The following CLPB variants were observed in gnomAD, a reference collection of about 807,000 sequenced individuals.
CLPB encodes the protein ClpB family mitochondrial disaggregase.
Under a neutral mutation model 78.4 loss-of-function variants are expected in CLPB, and 40 were observed. The observed-to-expected ratio is 0.51, with a 90% CI of 0.40 to 0.66. The LOEUF (loss-of-function observed/expected upper bound fraction) is 0.66. CLPB is among the 30% of genes least tolerant of loss of function. The pLI is 0.00. For synonymous variants in CLPB, 333 were observed against 348.0 expected (o/e 0.96, Z 0.48); for missense variants, 780 against 886.9 (o/e 0.88, Z 1.53).
chr11:72,384,399 G>A (rs944895653), intron 3 of CLPB, among the ~76,000 whole-genome samples: 1 of 150,662 alleles, frequency 6.6e-6, no homozygotes, highest in Admixed American at 6.6e-5. Flanking sequence ...TGGAATAAAA[G>A]TGTAAAGAAA....
At chr11:72,368,878 T>C (rs918627217) in intron 4 of CLPB, among the ~76,000 whole-genome samples, 3 of 152,212 alleles carry the variant, frequency 2.0e-5, no homozygotes, top group South Asian at 2.1e-4. Context: ...TTTCTGCCCA[T>C]GGACTGGAAG....
At chr11:72,354,349 T>C (rs909682508) in intron 5 of CLPB, 1 of 398,348 alleles carries the variant, frequency 2.5e-6, no homozygotes, top group East Asian at 3.6e-5. Flanking sequence ...CTGTGTACGA[T>C]GGATGCCTTG....
At chr11:72,329,180 G>A (rs1950179233) in intron 6 of CLPB, among the ~76,000 whole-genome samples, 1 of 152,138 alleles carries the variant, frequency 6.6e-6, no homozygotes, top group Admixed American at 6.5e-5. Flanking sequence ...AAGTTTGGTT[G>A]GGAAAACAGA....
In CLPB at chr11:72,294,345, G is replaced by T. The variant is rs749270611; in HGVS notation, c.1660C>A (p.Leu554Ile). The T allele has an allele frequency of 6.2e-7, 1 of 1,614,220 alleles. No homozygotes were observed. ...CTTACTCTCTTGGCCCAGAAGTTTA[G>T]TTCCTTGTTGACGAGTTGGATGAGC... ...SELIQLVNKELNFWAKRAKQR... is the reference protein window; with the variant it reads ...SELIQLVNKEINFWAKRAKQR... The change falls in exon 14 of 16, where the codon CTA becomes ATA. Residue 554 changes from leucine (L) to isoleucine (I), a missense_variant. Leu to Ile is a conservative substitution (Grantham distance 5, BLOSUM62 2). Around this residue, in one of 3 missense-constraint regions of CLPB, gnomAD observed 272 missense variants for 304.0 expected, o/e 0.89. Coordinates refer to ENST00000538039, the MANE Select transcript of CLPB (RefSeq NM_001258392.3).
intron 3 of CLPB, among the ~76,000 whole-genome samples, chr11:72,383,054 A>T (rs1854964064): frequency 6.6e-6 from 1 of 151,618 alleles, no homozygotes; most frequent in South Asian, 2.1e-4. Flanking sequence ...GGAGCTGAAA[A>T]ATACAATGAA....
At chr11:72,423,594 C>G (rs1856273801) in intron 2 of CLPB, among the ~76,000 whole-genome samples, 1 of 152,234 alleles carries the variant, frequency 6.6e-6, no homozygotes, top group African/African-American at 2.4e-5. Context: ...CAACACAGAT[C>G]TCTACCAATC....
rs896795524 is a variant in CLPB, at chr11:72,291,747, A to G, written c.*1620T>C. ...AAATTATTTCAAAACAAAAAGTAAA[A>G]AACAATGAAAAGCAGGCCGGGTCCA... On this transcript the variant is annotated 3_prime_UTR_variant, in exon 16 of 16. Coordinates refer to ENST00000538039, the MANE Select transcript of CLPB (RefSeq NM_001258392.3). The G allele has an allele frequency of 3.3e-5, 5 of 152,018 alleles. No homozygotes were observed. The highest frequency in any genetic ancestry group is 7.2e-5 in the African/African-American group (3 of 41,406). 9.4% of individuals were successfully genotyped at this position (152,018 alleles called of 1,614,324 possible).
intron 3 of CLPB, among the ~76,000 whole-genome samples, chr11:72,383,306 T>C (rs1028648670): frequency 4.0e-5 from 6 of 151,672 alleles, no homozygotes; most frequent in Non-Finnish European, 7.4e-5. Context: ...GGGCGGATCA[T>C]GAGGTCAGGA....
chr11:72,425,151 T>C (rs146391475), intron 2 of CLPB, among the ~76,000 whole-genome samples: 46 of 152,328 alleles, frequency 3.0e-4, no homozygotes, highest in African/African-American at 1.1e-3. Flanking sequence ...GGAGCATATA[T>C]TTATGGCAAC....
chr11:72,396,868 T>A (rs1028971176), intron 3 of CLPB, among the ~76,000 whole-genome samples: 1 of 152,214 alleles, frequency 6.6e-6, no homozygotes, highest in African/African-American at 2.4e-5. Context: ...CAATTAATAA[T>A]GAAAATTAGA....
chr11:72,311,397 C>T (rs1444182348), intron 7 of CLPB, among the ~76,000 whole-genome samples: 1 of 152,182 alleles, frequency 6.6e-6, no homozygotes, highest in Non-Finnish European at 1.5e-5. Flanking sequence ...TAAAGAACTT[C>T]TGTAGACATA....
intron 7 of CLPB, among the ~76,000 whole-genome samples, chr11:72,316,297 T>A (rs979949602): frequency 6.6e-6 from 1 of 152,198 alleles, no homozygotes; most frequent in African/African-American, 2.4e-5. Flanking sequence ...TCCCAGAAGA[T>A]AGTGATGCCG....
At chr11:72,401,061 G>A (rs534756513) in intron 3 of CLPB, among the ~76,000 whole-genome samples, 1 of 152,224 alleles carries the variant, frequency 6.6e-6, no homozygotes, top group Non-Finnish European at 1.5e-5. Context: ...TGTCCATGGA[G>A]TTCTGAAATT....
chr11:72,319,877 T>C (rs372931454), intron 6 of CLPB, among the ~76,000 whole-genome samples: 8 of 152,196 alleles, frequency 5.3e-5, no homozygotes, highest in South Asian at 2.1e-4. Context: ...TCTAGTGCCT[T>C]TTTGTTTTTG....
chr11:72,369,284 A>C (rs1330958838), intron 4 of CLPB, among the ~76,000 whole-genome samples: 1 of 152,048 alleles, frequency 6.6e-6, no homozygotes, highest in African/African-American at 2.4e-5. Flanking sequence ...TTATCTACAG[A>C]CCCATCAAAA....
At chr11:72,371,615 C>A (rs1381730405) in intron 4 of CLPB, among the ~76,000 whole-genome samples, 1 of 151,762 alleles carries the variant, frequency 6.6e-6, no homozygotes, top group Non-Finnish European at 1.5e-5. Flanking sequence ...TGGGGTCTCA[C>A]AATGTTGCCC....
At chr11:72,314,574 A>G (rs994131090) in intron 7 of CLPB, among the ~76,000 whole-genome samples, 3 of 152,174 alleles carry the variant, frequency 2.0e-5, no homozygotes, top group Non-Finnish European at 4.4e-5. Flanking sequence ...TCTTTAATTT[A>G]ACAAACTGCA....
At chr11:72,426,797 T>G (rs1157103540) in intron 2 of CLPB, among the ~76,000 whole-genome samples, 1 of 152,212 alleles carries the variant, frequency 6.6e-6, no homozygotes, top group Admixed American at 6.5e-5. Context: ...AGATGAAATA[T>G]AGCCCACAGA....
chr11:72,406,437 C>A (rs749706206), intron 2 of CLPB, among the ~76,000 whole-genome samples: 12 of 152,088 alleles, frequency 7.9e-5, no homozygotes, highest in South Asian at 2.1e-4. Flanking sequence ...TAAGTCAGAC[C>A]CCGATTTGAA....
Sources: gnomAD v4.1 joint callset for allele counts (sites outside exome capture counted in the v4.1 genomes callset) on GRCh38, gnomAD v4.1.1 for gene constraint, gnomAD v4.1.1 regional missense constraint, MANE v1.5 for transcripts, NCBI Gene and HGNC (gene_info 2026-07-23, HGNC 2026-07-21) for gene names.